Variants in ITPR2 observed in about 807,000 individuals in gnomAD.
ITPR2 encodes the protein inositol 1,4,5-trisphosphate receptor type 2.
ITPR2 carries 207 observed loss-of-function variants against 317.1 expected under a neutral mutation model. The observed-to-expected ratio is 0.65, with a 90% CI of 0.58 to 0.73. The LOEUF is 0.73. Ranked by LOEUF, ITPR2 falls within the 30% of genes least tolerant of loss-of-function variation. The pLI is 0.00. For synonymous variants in ITPR2, 1,156 were observed against 1,149.1 expected, an observed-to-expected ratio of 1.01 and a Z score of -0.12; for missense variants, 2,613 against 3,284.0, an observed-to-expected ratio of 0.80 and a Z score of 4.99.
intron 1 of ITPR2, 36 bp downstream of exon 1, chr12:26,832,654 A>C (rs780877738): frequency 4.0e-6 from 6 of 1,490,640 alleles, no homozygotes; most frequent in Non-Finnish European, 3.7e-6. Flanking sequence ...CAGGACCCGG[A>C]GCGCGAGCGC....
chr12:26,765,928 G>A (rs1949711921), intron 2 of ITPR2, among the ~76,000 whole-genome samples: 1 of 152,030 alleles, frequency 6.6e-6, no homozygotes, highest in Non-Finnish European at 1.5e-5. Flanking sequence ...ATTTCACTTA[G>A]CATAATATTT....
chr12:26,775,669 C>T (rs1440147671), intron 2 of ITPR2, among the ~76,000 whole-genome samples: 1 of 151,962 alleles, frequency 6.6e-6, no homozygotes, highest in Non-Finnish European at 1.5e-5. Context: ...GTAGATCCAC[C>T]CTTAATCTGG....
chr12:26,724,995 A>G (rs777904312), intron 3 of ITPR2, among the ~76,000 whole-genome samples: 1 of 152,128 alleles, frequency 6.6e-6, no homozygotes, highest in Non-Finnish European at 1.5e-5. Flanking sequence ...CCCCAAAGGG[A>G]GCAGTAATTA....
At chr12:26,751,007 G>C (rs1949404553) in intron 2 of ITPR2, among the ~76,000 whole-genome samples, 1 of 152,190 alleles carries the variant, frequency 6.6e-6, no homozygotes, top group African/African-American at 2.4e-5. Context: ...AAACGGCTGA[G>C]TCACCACACT....
intron 55 of ITPR2, among the ~76,000 whole-genome samples, chr12:26,362,850 A>T (rs74072150): frequency 9.4e-4 from 143 of 152,332 alleles, no homozygotes; most frequent in African/African-American, 3.2e-3. Context: ...ATAACTGGGG[A>T]ATAAAAGATG....
At chr12:26,537,822 A>G (rs1944140808) in intron 37 of ITPR2, among the ~76,000 whole-genome samples, 2 of 152,246 alleles carry the variant, frequency 1.3e-5, no homozygotes, top group South Asian at 2.1e-4. Context: ...AACTTCACCG[A>G]GCAATCTGCA....
intron 55 of ITPR2, among the ~76,000 whole-genome samples, chr12:26,371,954 C>T (rs1939201810): frequency 1.3e-5 from 2 of 152,192 alleles, no homozygotes; most frequent in South Asian, 4.1e-4. Context: ...TAAAAGTCAT[C>T]AATGCCTCTC....
Position 26,736,585 on chromosome 12 carries a change from T to C in ITPR2, c.164-10820A>G, listed in dbSNP as rs1330355416. On this transcript the variant is annotated intron_variant, in intron 2 of 56. Transcript: ENST00000381340. ...ACATAATTAGAATGCCCTATAGCCC[T>C]GTGTGCCCAGGACAATTCTGGTTTA... 2.6e-5 allele frequency among the ~76,000 whole-genome samples: 4 copies of C among 152,310 alleles called. No homozygotes were observed. In the East Asian group the frequency reaches 5.8e-4, roughly 22 times the overall value.
At chr12:26,581,421 G>C (rs967644180) in intron 32 of ITPR2, among the ~76,000 whole-genome samples, 1 of 152,018 alleles carries the variant, frequency 6.6e-6, no homozygotes, top group Admixed American at 6.6e-5. Flanking sequence ...AAGATTTTTA[G>C]GGTATCTAAT....
chr12:26,529,382 G>C (rs377244710), intron 37 of ITPR2, among the ~76,000 whole-genome samples: 24 of 152,290 alleles, frequency 1.6e-4, no homozygotes, highest in Middle Eastern at 3.4e-3. Flanking sequence ...CTCAAACCAG[G>C]AATCCAGCTG....
chr12:26,611,391 G>A (rs894653163), intron 26 of ITPR2, among the ~76,000 whole-genome samples: 1 of 152,126 alleles, frequency 6.6e-6, no homozygotes, highest in Admixed American at 6.5e-5. Context: ...ATCTAGAATA[G>A]ATGGATATGA....
Position 26,377,612 on chromosome 12 carries a change from T to C in ITPR2, c.7857+9822A>G, listed in dbSNP as rs1258427418. ...TGTTCTCCAATACTTGATTTACATA[T>C]ATTTAGCCTTTGTCAAATTTTACCT... On this transcript the variant is annotated intron_variant, in intron 55 of 56. Transcript: ENST00000381340. Among the ~76,000 whole-genome samples, 4 of 152,316 alleles carry C rather than the reference T, an allele frequency of 2.6e-5. No individual in the cohort carries two copies. The East Asian group carries it at 7.7e-4, about 29-fold the overall frequency.
At chr12:26,520,306 G>A (rs960668919) in intron 37 of ITPR2, among the ~76,000 whole-genome samples, 2 of 152,104 alleles carry the variant, frequency 1.3e-5, no homozygotes, top group African/African-American at 4.8e-5. Flanking sequence ...GAGATTGCAG[G>A]CAATCTGGGA....
chr12:26,697,079 T>C (rs905810944), intron 9 of ITPR2, among the ~76,000 whole-genome samples: 9 of 152,226 alleles, frequency 5.9e-5, no homozygotes, highest in Non-Finnish European at 1.3e-4. Context: ...CAGAAGCAAC[T>C]GCCTTAGTTA....
chr12:26,776,518 T>G (rs112285956), intron 2 of ITPR2, among the ~76,000 whole-genome samples: 2,358 of 152,290 alleles, frequency 0.015, 63 homozygotes, highest in African/African-American at 0.054. Flanking sequence ...TGCACAGCCT[T>G]GCCAGATGTC....
In ITPR2 at chr12:26,831,158, T is replaced by C. The variant is rs769429622; in HGVS notation, c.92+1532A>G. Among the ~76,000 whole-genome samples, 9 of 152,172 alleles carry C rather than the reference T, an allele frequency of 5.9e-5. No homozygotes were observed. The highest frequency in any genetic ancestry group is 1.2e-4 in the Non-Finnish European group (8 of 68,038). ...TGGAGGCCCAGAAACTGAACTTGTA[T>C]CATGAATGATCTCAAAAACAGTGGT... On this transcript the variant is annotated intron_variant, in intron 1 of 56. Coordinates refer to ENST00000381340, the MANE Select transcript of ITPR2 (RefSeq NM_002223.4). This position sits in a 1 kb window ranked among gnomAD's most constrained non-coding sequence, Gnocchi z 4.9.
intron 52 of ITPR2, among the ~76,000 whole-genome samples, chr12:26,402,909 C>T (rs929629640): frequency 1.1e-4 from 17 of 152,192 alleles, no homozygotes; most frequent in Admixed American, 2.0e-4. Context: ...AGCCGCTGGA[C>T]GAGGTGCTAG....
intron 52 of ITPR2, chr12:26,406,401 G>T (rs1289464639): frequency 6.6e-6 from 1 of 150,942 alleles, no homozygotes; most frequent in African/African-American, 2.4e-5. Context: ...CAGGAACCAG[G>T]GAGGTCTGCA....
At chr12:26,428,229 A>G in intron 48 of ITPR2, 141 bp from the exon 49 acceptor site, 1 of 523,520 alleles carries the variant, frequency 1.9e-6, no homozygotes, top group Non-Finnish European at 3.1e-6. Context: ...TACGTTCTTT[A>G]TATTTCAAGG....
Sources: gnomAD v4.1 joint callset for allele counts (sites outside exome capture counted in the v4.1 genomes callset) on GRCh38, gnomAD v4.1.1 for gene constraint, Gnocchi (gnomAD v3.1) non-coding constraint, MANE v1.5 for transcripts, NCBI Gene and HGNC (gene_info 2026-07-23, HGNC 2026-07-21) for gene names.